The following WDR87 variants were observed in gnomAD, a reference collection of about 807,000 sequenced individuals.
The protein encoded by WDR87 is WD repeat domain 87, also known as WD repeat-containing protein 87.
In WDR87, 56 loss-of-function variants were observed where a neutral mutation model predicts 83.3. The ratio of observed to expected loss-of-function variants is 0.67; its 90% confidence interval spans 0.54 to 0.84. The LOEUF is 0.84. Ranked by LOEUF, WDR87 falls within the 40% of genes least tolerant of loss-of-function variation. The probability of loss-of-function intolerance (pLI) is 0.00; values close to 1 mark genes in which losing one functional copy is unlikely to be tolerated. For synonymous variants in WDR87, 1,173 were observed against 1,250.6 expected, an observed-to-expected ratio of 0.94 and a Z score of 1.31; for missense variants, 2,939 against 3,431.9, an observed-to-expected ratio of 0.86 and a Z score of 3.59.
At position 37,890,075 on chromosome 19, in the gene WDR87, A is replaced by G. The variant is rs2046191337; in HGVS notation, c.3596T>C (p.Ile1199Thr). 1.3e-6 allele frequency: 2 copies of G among 1,551,610 alleles called. No individual in the cohort carries two copies. The highest frequency in any genetic ancestry group is 1.4e-5 in the African/African-American group (1 of 72,982). Reference sequence around the variant, plus strand: ...GGTCAATGCAATGTGATCCTTCGAGATATCTTTCTCTTGAGAATCAACATC... The same window carrying G: ...GGTCAATGCAATGTGATCCTTCGAGGTATCTTTCTCTTGAGAATCAACATC... The part of the protein sequence containing the change: ...SKDVDSQEKD[I>T]SKDHIALTLK... The change falls in exon 6 of 6, where the codon ATC (isoleucine) becomes ACC (threonine). Residue 1199 changes from isoleucine to threonine, a missense_variant. Physicochemically the swap from Ile to Thr is moderately conservative, Grantham distance 89. Around this residue, in one of 3 missense-constraint regions of WDR87, gnomAD observed 2,160 missense variants for 2,533.1 expected, o/e 0.85. Transcript: ENST00000447313.
At position 37,886,296 on chromosome 19, in the gene WDR87, C is replaced by G; in HGVS notation, c.7375G>C (p.Ala2459Pro). 3.9e-6 allele frequency: 6 copies of G among 1,551,706 alleles called. No homozygotes were observed. The highest frequency in any genetic ancestry group is 5.2e-6 in the Non-Finnish European group (6 of 1,146,988). ...EKQISWEDKKATVVEIPRKFL... is the reference protein window; with the variant it reads ...EKQISWEDKKPTVVEIPRKFL... ...TTCCTGGGTATTTCAACTACTGTGG[C>G]CTTTTTATCTTCCCAGGATATTTGT... is the stretch of plus-strand genomic sequence containing the variant. The change falls in exon 6 of 6, where the codon GCC becomes CCC. Residue 2459 changes from alanine to proline, a missense_variant. This residue lies in a region of WDR87 where 2,160 missense variants were observed against 2,533.1 expected (regional missense o/e 0.85). Transcript: ENST00000447313.
chr19:37,902,022 GTTTATTTA>G (rs10618499), intron 1 of WDR87, among the ~76,000 whole-genome samples: 54,605 of 144,918 alleles, frequency 0.38, 12,885 homozygotes, highest in East Asian at 0.68. Flanking sequence ...GGCCCTCTAT[GTTTATTTA>G]TTTATTTATT....
Position 37,905,084 on chromosome 19 carries a change from T to C in WDR87, c.-47+1415A>G, listed in dbSNP as rs575109213. On this transcript the variant is annotated intron_variant, in intron 1 of 5. Transcript: ENST00000447313. ...CAGTCTCTACTAAAAATACAAAAAT[T>C]AGCTGGGTGTGATGGCGCCTGCCTG... 1.4e-4 allele frequency among the ~76,000 whole-genome samples: 22 copies of C among 152,026 alleles called. No individual in the cohort carries two copies. The South Asian group carries it at 4.6e-3, about 32-fold the overall frequency.
intron 1 of WDR87, among the ~76,000 whole-genome samples, chr19:37,904,361 C>CTT (rs754911976): frequency 1.1e-4 from 15 of 130,506 alleles, no homozygotes; most frequent in East Asian, 1.1e-3. Context: ...TGTGTGTGTG[C>CTT]TTTTTTTTTT....
chr19:37,888,418 C>A lies in WDR87; in HGVS notation c.5253G>T (p.Lys1751Asn). Residue 1751 changes from lysine to asparagine, a missense_variant, in exon 6 of 6, where the codon AAG (lysine) becomes AAT (asparagine). By Grantham distance (94) the Lys-to-Asn change is moderately conservative. Transcript: ENST00000447313. Reference sequence around the variant, plus strand: ...GTTCCTCCAATTCCTGGGCCAGCTCCTTTTCTTGCCAGTCCAGATTTTGTT... The same window carrying A: ...GTTCCTCCAATTCCTGGGCCAGCTCATTTTCTTGCCAGTCCAGATTTTGTT... ...QREQNLDWQEKELAQELEELE... is the reference protein window; with the variant it reads ...QREQNLDWQENELAQELEELE... The A allele has an allele frequency of 6.4e-7, 1 of 1,551,956 alleles. No homozygotes were observed. The highest frequency in any genetic ancestry group is 8.7e-7 in the Non-Finnish European group (1 of 1,147,052).
chr19:37,896,101 G>A (rs1001771165), intron 3 of WDR87, 37 bp downstream of exon 3: 4 of 1,550,882 alleles, frequency 2.6e-6, no homozygotes, highest in Non-Finnish European at 3.5e-6. Context: ...ATGGCTCTTG[G>A]AGAATGGGCC....
At chr19:37,903,947 C>T (rs1459020447) in intron 1 of WDR87, among the ~76,000 whole-genome samples, 1 of 152,132 alleles carries the variant, frequency 6.6e-6, no homozygotes, top group Non-Finnish European at 1.5e-5. Context: ...CTCACTCTGT[C>T]GCCCAGGCTA....
chr19:37,894,047 G>A lies in WDR87; in HGVS notation c.1656C>T (p.Ala552=). Residue 552 remains alanine (A), a synonymous_variant, in exon 4 of 6, where the codon GCC becomes GCT. Transcript: ENST00000447313. Reference sequence around the variant, plus strand: ...TTAGGTGACAGCTGCTGAGAATGCTGGCGAGAGGCCGCAGTTGTACTTTGA... The same window carrying A: ...TTAGGTGACAGCTGCTGAGAATGCTAGCGAGAGGCCGCAGTTGTACTTTGA... ...DGVKVQLRPL[A]SILSSCHLTH... 2.6e-6 allele frequency: 4 copies of A among 1,551,980 alleles called. No individual in the cohort carries two copies. Among genetic ancestry groups the A allele is most frequent in the Non-Finnish European group, 3.5e-6 (4 of 1,147,082 alleles).
chr19:37,895,683 C>T (rs568272218), intron 3 of WDR87, among the ~76,000 whole-genome samples: 1 of 149,884 alleles, frequency 6.7e-6, no homozygotes, highest in African/African-American at 2.5e-5. Context: ...AGGAGAATCG[C>T]TTGAATTTGG....
chr19:37,884,823 C>T lies in WDR87; in HGVS notation c.*109G>A, dbSNP rs573470040. On this transcript the variant is annotated 3_prime_UTR_variant, in exon 6 of 6. Coordinates refer to ENST00000447313, the MANE Select transcript of WDR87 (RefSeq NM_001291088.2). ...AGCCTGGGCAATAAGAGTGAAACAC[C>T]GTCTCAAAAAAAAAAAAAAGAGAGA... 1.8e-5 allele frequency: 19 copies of T among 1,048,416 alleles called. No homozygotes were observed. Among genetic ancestry groups the T allele is most frequent in the South Asian group, 9.7e-5 (2 of 20,566 alleles). 64.9% of individuals were successfully genotyped at this position (1,048,416 alleles called of 1,614,324 possible).
At position 37,887,834 on chromosome 19, in the gene WDR87, TC is replaced by T; in HGVS notation, c.5836del (p.Glu1946ArgfsTer13). On this transcript the variant is annotated frameshift_variant, in exon 6 of 6. Coordinates refer to ENST00000447313, the MANE Select transcript of WDR87 (RefSeq NM_001291088.2). LOFTEE classifies it low-confidence loss of function (END_TRUNC). ...TTTTTTCTCTGTTTCAGCCAGTTTC[TC>T]CTTCTTCTTGATCACAGTCTCCTTT... ...QEKETVIKKK[E>X]KLAETEKKLV... 1 of 1,550,992 alleles carries T rather than the reference TC, an allele frequency of 6.4e-7. No individual in the cohort carries two copies. The highest frequency in any genetic ancestry group is 8.7e-7 in the Non-Finnish European group (1 of 1,146,920).
rs1473244270 is a variant in WDR87 at position 37,888,694 on chromosome 19, G to A, written c.4977C>T (p.Tyr1659=). 1.1e-5 allele frequency: 17 copies of A among 1,549,250 alleles called. No homozygotes were observed. Among genetic ancestry groups the A allele is most frequent in the Admixed American group, 5.9e-5 (3 of 50,776 alleles). Residue 1659 remains tyrosine (Y), a synonymous_variant, in exon 6 of 6, where the codon TAC becomes TAT. Transcript: ENST00000447313. Reference sequence around the variant, plus strand: ...CCCTGTCATCCTGGGTTATTTTCACGTATGCCTGGGCCAGTTTTCTCTCTT... The same window carrying A: ...CCCTGTCATCCTGGGTTATTTTCACATATGCCTGGGCCAGTTTTCTCTCTT... ...AQEERKLAQA[Y]VKITQDDREM...
In WDR87 at chr19:37,893,502, A is replaced by G. The variant is rs2046225816; in HGVS notation, c.2201T>C (p.Leu734Pro). The change falls in exon 4 of 6, where the codon CTT (leucine) becomes CCT (proline). Residue 734 changes from leucine (L) to proline (P), a missense_variant. By Grantham distance (98) the Leu-to-Pro change is moderately conservative (BLOSUM62 -3). Around this residue, in one of 3 missense-constraint regions of WDR87, gnomAD observed 2,160 missense variants for 2,533.1 expected, o/e 0.85. Coordinates refer to ENST00000447313, the MANE Select transcript of WDR87 (RefSeq NM_001291088.2). ...AAAGGCAATGGCCCGGTTGTTGACA[A>G]GTTTCTCCAGACCCACTAATTTCTG... ...AQQKLVGLEK[L>P]VNNRAIAFDH... 5.8e-6 allele frequency: 9 copies of G among 1,551,772 alleles called. 1 individual carries two copies. The highest frequency in any genetic ancestry group is 3.9e-5 in the Admixed American group (2 of 50,988).
chr19:37,894,689 G>C lies in WDR87; in HGVS notation c.1014C>G (p.Phe338Leu), dbSNP rs1568454484. The change falls in exon 4 of 6, where the codon TTC (phenylalanine) becomes TTG (leucine). Residue 338 changes from phenylalanine to leucine, a missense_variant. Physicochemically the swap from Phe to Leu is conservative, Grantham distance 22 (BLOSUM62 0). Coordinates refer to ENST00000447313, the MANE Select transcript of WDR87 (RefSeq NM_001291088.2). ...AAAAACTATGGGCAGTTTGGCAGAA[G>C]AAAGTAATGCTGTCAATAAACTGGA... The part of the protein sequence containing the change: ...YRLQFIDSIT[F>L]FCQTAHSFSL... 6.4e-7 allele frequency: 1 copy of C among 1,551,714 alleles called. No individual in the cohort carries two copies. Among genetic ancestry groups the C allele is most frequent in the Non-Finnish European group, 8.7e-7 (1 of 1,146,984 alleles).
At position 37,893,899 on chromosome 19, in the gene WDR87, G is replaced by A. The variant is rs1194404775; in HGVS notation, c.1804C>T (p.Leu602=). 1 of 1,551,778 alleles carries A rather than the reference G, an allele frequency of 6.4e-7. No homozygotes were observed. The highest frequency in any genetic ancestry group is 8.7e-7 in the Non-Finnish European group (1 of 1,147,048). ...SQNGLKFIET[L]PLHLCAITSF... The stretch of plus-strand genomic sequence containing the variant: ...GTGATGGCACACAGGTGCAGAGGCA[G>A]TGTTTCTATGAATTTCAAGCCATTC... Residue 602 remains leucine, a synonymous_variant, in exon 4 of 6, where the codon CTG becomes TTG. Coordinates refer to ENST00000447313, the MANE Select transcript of WDR87 (RefSeq NM_001291088.2).
At position 37,888,396 on chromosome 19, in the gene WDR87, C is replaced by T; in HGVS notation, c.5275G>A (p.Glu1759Lys). The change falls in exon 6 of 6, where the codon GAA (glutamate) becomes AAA (lysine). Residue 1759 changes from glutamate (E) to lysine (K), a missense_variant. Glu to Lys is a moderately conservative substitution (Grantham distance 56). Around this residue, in one of 3 missense-constraint regions of WDR87, gnomAD observed 2,160 missense variants for 2,533.1 expected, o/e 0.85. Coordinates refer to ENST00000447313, the MANE Select transcript of WDR87 (RefSeq NM_001291088.2). ...QEKELAQELE[E>K]LEWDMEELSW... Reference sequence around the variant, plus strand: ...AGTTCTTCCATGTCCCATTCCAGTTCCTCCAATTCCTGGGCCAGCTCCTTT... The same window carrying T: ...AGTTCTTCCATGTCCCATTCCAGTTTCTCCAATTCCTGGGCCAGCTCCTTT... 3.2e-6 allele frequency: 5 copies of T among 1,552,018 alleles called. No homozygotes were observed. Among genetic ancestry groups the T allele is most frequent in the Non-Finnish European group, 4.4e-6 (5 of 1,147,080 alleles).
At chr19:37,905,561 T>TG in intron 1 of WDR87, among the ~76,000 whole-genome samples, 1 of 134,812 alleles carries the variant, frequency 7.4e-6, no homozygotes, top group Non-Finnish European at 1.5e-5. Context: ...CACACATATA[T>TG]AATTTTTTTT....
Position 37,896,293 on chromosome 19 carries a change from G to A in WDR87, c.91C>T (p.Pro31Ser), listed in dbSNP as rs1246795137. ...CTCAGCACAATCAGGCAGTTCTTTG[G>A]GTCTTCCGAAGGTTGCTGGAGAGAG... ...INKSKQPSEDPKNCLIVLSDR... is the reference protein window; with the variant it reads ...INKSKQPSEDSKNCLIVLSDR... The change falls in exon 3 of 6, where the codon CCA becomes TCA. Residue 31 changes from proline to serine, a missense_variant. Physicochemically the swap from Pro to Ser is moderately conservative, Grantham distance 74. Coordinates refer to ENST00000447313, the MANE Select transcript of WDR87 (RefSeq NM_001291088.2). The A allele has an allele frequency of 3.2e-6, 5 of 1,551,734 alleles. No homozygotes were observed. Among genetic ancestry groups the A allele is most frequent in the South Asian group, 2.4e-5 (2 of 84,026 alleles).
At chr19:37,900,629 G>C (rs1599773138) in intron 1 of WDR87, among the ~76,000 whole-genome samples, 1 of 150,668 alleles carries the variant, frequency 6.6e-6, no homozygotes, top group Non-Finnish European at 1.5e-5. Flanking sequence ...GGAGGAAGAG[G>C]TTTTGCTGGC....
Sources: allele counts gnomAD v4.1 joint callset (sites outside exome capture counted in the v4.1 genomes callset), GRCh38; gene constraint gnomAD v4.1.1; regional missense constraint gnomAD v4.1.1; transcripts MANE v1.5; gene names NCBI Gene and HGNC (gene_info 2026-07-23, HGNC 2026-07-21).